Variants in RGS5 observed in about 807,000 individuals in gnomAD.
RGS5 encodes the protein regulator of G protein signaling 5.
Under a neutral mutation model 18.9 loss-of-function variants are expected in RGS5, and 20 were observed. That is an observed-to-expected ratio of 1.06 (90% CI 0.74 to 1.54). RGS5 has a LOEUF of 1.54. RGS5 is among the 40% of genes most tolerant of loss of function. RGS5 has a pLI of 0.00. For missense variants in RGS5, 201 were observed against 211.8 expected (o/e 0.95, Z 0.32); for synonymous variants, 57 against 76.2 (o/e 0.75, Z 1.31).
At chr1:163,239,337 T>C (rs1014702745) in intron 2 of RGS5, 2 of 150,948 alleles carry the variant, frequency 1.3e-5, no homozygotes, top group African/African-American at 4.9e-5. Flanking sequence ...AAAAAAAACA[T>C]TAGCCAGGCG....
chr1:163,276,144 A>C (rs1380997388), intron 2 of RGS5, among the ~76,000 whole-genome samples: 1 of 152,004 alleles, frequency 6.6e-6, no homozygotes, highest in Non-Finnish European at 1.5e-5. Context: ...ACAGGCATGC[A>C]CCACTATGCC....
Position 163,258,005 on chromosome 1 carries a change from T to C in RGS5, c.-281+48228A>G, listed in dbSNP as rs189263690. On this transcript the variant is annotated intron_variant, in intron 2 of 5. Coordinates refer to the RGS5 transcript ENST00000618415. The stretch of plus-strand genomic sequence containing the variant: ...CCTCAGGAGATGAAGGGCTCAGGAT[T>C]GCTGGGCCCCAGCTGCTGTGTTCCC... Among the ~76,000 whole-genome samples, 740 of 152,324 alleles carry C rather than the reference T, an allele frequency of 4.9e-3. 4 individuals carry two copies. Among genetic ancestry groups the C allele is most frequent in the African/African-American group, 0.017 (696 of 41,576 alleles).
chr1:163,272,748 C>T (rs1648752595), intron 2 of RGS5, among the ~76,000 whole-genome samples: 1 of 152,056 alleles, frequency 6.6e-6, no homozygotes, highest in Non-Finnish European at 1.5e-5. Flanking sequence ...TGGGCTCTCA[C>T]TTCTGTTCCA....
At chr1:163,180,034 A>AT (rs1420116861) in intron 1 of RGS5, among the ~76,000 whole-genome samples, 1 of 151,918 alleles carries the variant, frequency 6.6e-6, no homozygotes, top group Non-Finnish European at 1.5e-5. Flanking sequence ...TTTTATTTTT[A>AT]TTTTTTGAGA....
At chr1:163,286,325 G>A (rs1400370583) in intron 2 of RGS5, among the ~76,000 whole-genome samples, 4 of 151,962 alleles carry the variant, frequency 2.6e-5, no homozygotes, top group South Asian at 2.1e-4. Context: ...TAGTATCCTC[G>A]GGGAGTAGGG....
At chr1:163,147,912 C>CTTT (rs1557878005) in intron 4 of RGS5, among the ~76,000 whole-genome samples, 2 of 101,928 alleles carry the variant, frequency 2.0e-5, no homozygotes, top group African/African-American at 3.9e-5. Context: ...GTGCTTTTTT[C>CTTT]TTTTTCTTTT....
chr1:163,162,054 C>A, intron 2 of RGS5, 78 bp from the exon 3 acceptor site: 1 of 951,098 alleles, frequency 1.1e-6, no homozygotes, highest in Admixed American at 1.7e-5. Flanking sequence ...TAACTACTTC[C>A]TGTTTCTCTT....
At chr1:163,204,110 A>C (rs1659875661), upstream of RGS5, among the ~76,000 whole-genome samples, 1 of 152,186 alleles carries the variant, frequency 6.6e-6, no homozygotes, top group Non-Finnish European at 1.5e-5. Context: ...TTGTAAAGTC[A>C]ATGCAGTGCA....
At chr1:163,195,916 G>A (rs1659545769) in intron 1 of RGS5, among the ~76,000 whole-genome samples, 1 of 152,044 alleles carries the variant, frequency 6.6e-6, no homozygotes, top group African/African-American at 2.4e-5. Context: ...GAGAGGTTTG[G>A]TGACTTCCCA....
upstream of RGS5, among the ~76,000 whole-genome samples, chr1:163,205,486 G>A (rs1315561245): frequency 6.6e-6 from 1 of 151,942 alleles, no homozygotes; most frequent in Non-Finnish European, 1.5e-5. Flanking sequence ...TATGAAAAAG[G>A]TATAAATCTG....
intron 1 of RGS5, among the ~76,000 whole-genome samples, chr1:163,174,303 G>A (rs1658444423): frequency 6.6e-6 from 1 of 152,194 alleles, no homozygotes; most frequent in Non-Finnish European, 1.5e-5. Context: ...AGGTCCCCAA[G>A]AGCAGAGTGA....
intron 2 of RGS5, chr1:163,305,032 T>G (rs1439345253): frequency 6.6e-6 from 1 of 152,256 alleles, no homozygotes; most frequent in African/African-American, 2.4e-5. Flanking sequence ...CCAGACCATA[T>G]AACTTTCTGG....
rs1386989841 is a variant in RGS5 at position 163,143,087 on chromosome 1, A to G, written c.*4255T>C. The G allele has an allele frequency of 6.6e-6, 1 of 152,184 alleles. No individual in the cohort carries two copies. The highest frequency in any genetic ancestry group is 6.6e-5 in the Admixed American group (1 of 15,258). The allele number at this position is 152,184 out of a possible 1,614,324, so 9.4% of individuals were successfully genotyped here. A position where few individuals can be genotyped will look rare whatever the true frequency, so the allele number is the denominator to read the frequency against. Reference sequence around the variant, plus strand: ...TGATCTTTTTAGTTTTGGGATGTGTAAGTGATGCTGGGAAAGCCTTTCTTT... The same window carrying G: ...TGATCTTTTTAGTTTTGGGATGTGTGAGTGATGCTGGGAAAGCCTTTCTTT... On this transcript the variant is annotated 3_prime_UTR_variant, in exon 5 of 5. Coordinates refer to ENST00000313961, the MANE Select transcript of RGS5 (RefSeq NM_003617.4).
chr1:163,180,849 T>C (rs1012340964), intron 1 of RGS5, among the ~76,000 whole-genome samples: 16 of 151,728 alleles, frequency 1.1e-4, no homozygotes, highest in South Asian at 2.1e-4. Context: ...TGCCCGTCAC[T>C]ACGCCCGGCT....
intron 2 of RGS5, among the ~76,000 whole-genome samples, chr1:163,165,423 C>A (rs1571226506): frequency 6.6e-6 from 1 of 152,156 alleles, no homozygotes; most frequent in East Asian, 1.9e-4. Flanking sequence ...ATTTTGTAAG[C>A]CATGATAACA....
At chr1:163,285,514 C>T (rs1205985416) in intron 2 of RGS5, among the ~76,000 whole-genome samples, 1 of 152,062 alleles carries the variant, frequency 6.6e-6, no homozygotes, top group Non-Finnish European at 1.5e-5. Flanking sequence ...GTCTGGGTGA[C>T]AGAGCAAGGC....
At chr1:163,181,925 C>T (rs960767967) in intron 1 of RGS5, among the ~76,000 whole-genome samples, 1 of 152,004 alleles carries the variant, frequency 6.6e-6, no homozygotes, top group Non-Finnish European at 1.5e-5. Context: ...AATTCCGACC[C>T]TTCATTTTTC....
At chr1:163,147,531 A>G (rs778032987) in intron 4 of RGS5, 28 bp from the exon 5 acceptor site, 2 of 1,524,852 alleles carry the variant, frequency 1.3e-6, no homozygotes, top group East Asian at 2.4e-5. Flanking sequence ...GGGTCACTAC[A>G]TAAGCCTAAG....
intron 3 of RGS5, among the ~76,000 whole-genome samples, chr1:163,155,746 G>A (rs1052887486): frequency 2.6e-5 from 4 of 152,126 alleles, no homozygotes; most frequent in Non-Finnish European, 4.4e-5. Flanking sequence ...CACTCCAGTA[G>A]AGCCTCAGCA....
Sources: gnomAD v4.1 joint callset for allele counts (sites outside exome capture counted in the v4.1 genomes callset) on GRCh38, gnomAD v4.1.1 for gene constraint, MANE v1.5 for transcripts, NCBI Gene and HGNC (gene_info 2026-07-23, HGNC 2026-07-21) for gene names.